Variants in SRD5A3 observed in about 807,000 individuals in gnomAD.
SRD5A3 encodes steroid 5 alpha-reductase 3, also known as polyprenal reductase.
In SRD5A3, 24 loss-of-function variants were observed where a neutral mutation model predicts 34.3. The observed-to-expected ratio is 0.70, with a 90% CI of 0.51 to 0.99. SRD5A3 has a LOEUF of 0.99. Among genes scored for constraint, SRD5A3 ranks in the 50% least tolerant of loss-of-function variants. SRD5A3 has a pLI of 0.00. For missense variants in SRD5A3, 350 were observed against 388.2 expected, an observed-to-expected ratio of 0.90 and a Z score of 0.83; for synonymous variants, 161 against 167.3, an observed-to-expected ratio of 0.96 and a Z score of 0.29.
At chr4:55,354,537 GT>G (rs1429152607) in intron 1 of SRD5A3, among the ~76,000 whole-genome samples, 8 of 152,106 alleles carry the variant, frequency 5.3e-5, no homozygotes, top group African/African-American at 1.9e-4. Flanking sequence ...GCCCCATCTG[GT>G]TCTATTCCAG....
intron 4 of SRD5A3, 102 bp from the exon 5 acceptor site, chr4:55,369,730 C>CAAAATAAAAAA (rs1720049227): frequency 8.8e-7 from 1 of 1,134,728 alleles, no homozygotes; most frequent in African/African-American, 1.7e-5. Context: ...GACTTTGCCT[C>CAAAATAAAAAA]AAAAAAAAAA....
At chr4:55,362,092 G>A (rs1240611818) in intron 2 of SRD5A3, among the ~76,000 whole-genome samples, 2 of 151,600 alleles carry the variant, frequency 1.3e-5, no homozygotes, top group African/African-American at 2.4e-5. Flanking sequence ...GGGAGGGGTC[G>A]TGCCTACACT....
At position 55,352,042 on chromosome 4, in the gene SRD5A3, C is replaced by A. The variant is rs770344829; in HGVS notation, c.221+5485C>A. The A allele has an allele frequency of 5.5e-4, 426 of 769,076 alleles. 2 individuals are homozygous for A. The highest frequency in any genetic ancestry group is 2.0e-4 in the Admixed American group (12 of 58,602). 47.6% of individuals were successfully genotyped at this position (769,076 alleles called of 1,614,324 possible). On this transcript the variant is annotated intron_variant, in intron 1 of 4. Transcript: ENST00000264228. Reference sequence around the variant, plus strand: ...CTTCAAATCTTGGATCCTTGGTGATCCTTAGAGCCACTCCATACTTCTGCT... The same window carrying A: ...CTTCAAATCTTGGATCCTTGGTGATACTTAGAGCCACTCCATACTTCTGCT...
In SRD5A3 at chr4:55,346,362, A is replaced by G. The variant is rs939173972; in HGVS notation, c.26A>G (p.His9Arg). The G allele has an allele frequency of 9.1e-6, 14 of 1,536,968 alleles. No individual in the cohort carries two copies. Among genetic ancestry groups the G allele is most frequent in the Non-Finnish European group, 1.2e-5 (14 of 1,144,344 alleles). Residue 9 changes from histidine (H) to arginine (R), a missense_variant, in exon 1 of 5, where the codon CAC (histidine) becomes CGC (arginine). His to Arg is a conservative substitution (Grantham distance 29, BLOSUM62 0). Around this residue, in one of 3 missense-constraint regions of SRD5A3, gnomAD observed 159 missense variants for 149.1 expected, o/e 1.07. Coordinates refer to ENST00000264228, the MANE Select transcript of SRD5A3 (RefSeq NM_024592.5). MAPWAEAE[H>R]SALNPLRAVW... ...ATGGCTCCCTGGGCGGAGGCCGAGC[A>G]CTCGGCGCTGAACCCGCTGCGCGCG...
intron 1 of SRD5A3, chr4:55,352,234 A>G: frequency 1.1e-6 from 1 of 933,094 alleles, no homozygotes; most frequent in Non-Finnish European, 1.8e-6. Flanking sequence ...TGTGTATTAT[A>G]TTGGAAAAAT....
intron 1 of SRD5A3, chr4:55,351,906 ATTC>A (rs1295331624): frequency 1.5e-6 from 1 of 672,664 alleles, no homozygotes; most frequent in African/African-American, 1.8e-5. Context: ...AATCTTAGGG[ATTC>A]TTCTTTTAAG....
chr4:55,361,293 C>A (rs1427919295), intron 2 of SRD5A3, among the ~76,000 whole-genome samples: 1 of 151,948 alleles, frequency 6.6e-6, no homozygotes, highest in African/African-American at 2.4e-5. Flanking sequence ...ACCACCTTGG[C>A]CAACATGGTG....
chr4:55,352,464 C>G, intron 1 of SRD5A3: 2 of 673,864 alleles, frequency 3.0e-6, no homozygotes, highest in South Asian at 3.0e-5. Flanking sequence ...GTAGCCTTCA[C>G]GAAACTGCCG....
chr4:55,352,412 C>G, intron 1 of SRD5A3: 1 of 761,534 alleles, frequency 1.3e-6, no homozygotes, highest in Non-Finnish European at 2.4e-6. Context: ...TCCCCATGGT[C>G]ACACCACACT....
intron 1 of SRD5A3, among the ~76,000 whole-genome samples, chr4:55,354,085 G>A (rs528199695): frequency 1.3e-5 from 2 of 152,254 alleles, no homozygotes; most frequent in East Asian, 3.9e-4. Flanking sequence ...TGTTCCAGCA[G>A]TCAGCAAATA....
Position 55,370,475 on chromosome 4 carries a change from AG to A in SRD5A3, c.*386del. On this transcript the variant is annotated 3_prime_UTR_variant, in exon 5 of 5. Coordinates refer to ENST00000264228, the MANE Select transcript of SRD5A3 (RefSeq NM_024592.5). Reference sequence around the variant, plus strand: ...CACACACACACACACACACACACAAAGGAAGATCATCAATGGCTGCGGTAGC... The same window carrying A: ...CACACACACACACACACACACACAAAGAAGATCATCAATGGCTGCGGTAGC... 1 of 277,532 alleles carries A rather than the reference AG, an allele frequency of 3.6e-6. No homozygotes were observed. Among genetic ancestry groups the A allele is most frequent in the African/African-American group, 2.4e-5 (1 of 41,098 alleles). The allele number at this position is 277,532 out of a possible 1,614,324, so 17.2% of individuals were successfully genotyped here.
chr4:55,357,630 T>G (rs574515334), intron 1 of SRD5A3, among the ~76,000 whole-genome samples: 8 of 152,350 alleles, frequency 5.3e-5, no homozygotes, highest in African/African-American at 1.9e-4. Context: ...TTCAAATAGT[T>G]TAAGAGATGT....
intron 4 of SRD5A3, 70 bp downstream of exon 4, chr4:55,367,792 T>C: frequency 6.3e-7 from 1 of 1,592,934 alleles, no homozygotes; most frequent in African/African-American, 1.3e-5. Context: ...TGGTCCTGCA[T>C]GCTTTTCCTT....
rs112359406 is a variant in SRD5A3 at position 55,364,589 on chromosome 4, G to A, written c.562+318G>A. ...AAATTAGCCAGGCGTGGTGGCACAC[G>A]CCTGTAGTCCCAGCTACTGGGGAGG... On this transcript the variant is annotated intron_variant, in intron 3 of 4. Coordinates refer to ENST00000264228, the MANE Select transcript of SRD5A3 (RefSeq NM_024592.5). The A allele has an allele frequency of 2.1e-3, 736 of 348,966 alleles. 3 individuals carry two copies. Among genetic ancestry groups the A allele is most frequent in the African/African-American group, 0.014 (679 of 47,328 alleles). The allele number at this position is 348,966 out of a possible 1,614,324, so 21.6% of individuals were successfully genotyped here.
chr4:55,349,200 A>G (rs1344274047), intron 1 of SRD5A3, among the ~76,000 whole-genome samples: 1 of 152,052 alleles, frequency 6.6e-6, no homozygotes, highest in Non-Finnish European at 1.5e-5. Flanking sequence ...ATGCCTGGCT[A>G]ATTTTTGTAT....
rs752114921 is a variant in SRD5A3, at chr4:55,359,304, G to A, written c.222-42G>A. On this transcript the variant is annotated intron_variant, in intron 1 of 4. Coordinates refer to ENST00000264228, the MANE Select transcript of SRD5A3 (RefSeq NM_024592.5). ...ATCTTCCCGTATAAGAGCTTGAAGT[G>A]GATCTACCCTAATTATTGCCTCGCT... 4 of 1,611,978 alleles carry A rather than the reference G, an allele frequency of 2.5e-6. No individual in the cohort carries two copies. In the South Asian group the frequency reaches 4.4e-5, roughly 18 times the overall value.
At chr4:55,346,659 G>A in intron 1 of SRD5A3, 102 bp downstream of exon 1, 1 of 1,140,642 alleles carries the variant, frequency 8.8e-7, no homozygotes, top group South Asian at 2.0e-5. Flanking sequence ...GCGGGACCCG[G>A]CCTGGGAGGC....
In SRD5A3 at chr4:55,363,756, T is replaced by TG. The variant is rs1317232010; in HGVS notation, c.365-317dup. On this transcript the variant is annotated intron_variant, in intron 2 of 4. Transcript: ENST00000264228. ...GGAACGCTTCCAGTTTGCATCTGGCTGTTAGTGCCAGGACCAGAAACCCAC... is the reference window on the plus strand; with the variant it reads ...GGAACGCTTCCAGTTTGCATCTGGCTGGTTAGTGCCAGGACCAGAAACCCAC... Among the ~76,000 whole-genome samples, 35 of 152,348 alleles carry TG rather than the reference T, an allele frequency of 2.3e-4. No individual in the cohort carries two copies. In the South Asian group the frequency reaches 7.0e-3, roughly 31 times the overall value.
chr4:55,347,871 A>G (rs1381225717), intron 1 of SRD5A3, among the ~76,000 whole-genome samples: 1 of 152,228 alleles, frequency 6.6e-6, no homozygotes, highest in Non-Finnish European at 1.5e-5. Context: ...AAATTGATCA[A>G]ACCTCCTGTT....
Sources: gnomAD v4.1 joint callset for allele counts (sites outside exome capture counted in the v4.1 genomes callset) on GRCh38, gnomAD v4.1.1 for gene constraint, gnomAD v4.1.1 regional missense constraint, MANE v1.5 for transcripts, NCBI Gene and HGNC (gene_info 2026-07-23, HGNC 2026-07-21) for gene names.